KCTD8: variants seen among roughly 807,000 people sequenced by gnomAD.
KCTD8 encodes potassium channel tetramerization domain containing 8.
Under a neutral mutation model 31.5 loss-of-function variants are expected in KCTD8, and 27 were observed. The observed-to-expected ratio is 0.86, with a 90% CI of 0.63 to 1.18. KCTD8 has a LOEUF of 1.18. Among genes scored for constraint, KCTD8 ranks in the 50% most tolerant of loss-of-function variants. The probability of loss-of-function intolerance (pLI) is 0.00; values close to 1 mark genes in which losing one functional copy is unlikely to be tolerated. For synonymous variants in KCTD8, 290 were observed against 280.0 expected, an observed-to-expected ratio of 1.04 and a Z score of -0.36; for missense variants, 658 against 647.7, an observed-to-expected ratio of 1.02 and a Z score of -0.17.
intron 1 of KCTD8, among the ~76,000 whole-genome samples, chr4:44,246,808 T>C (rs186302034): frequency 7.2e-5 from 11 of 152,156 alleles, no homozygotes; most frequent in African/African-American, 2.6e-4. Context: ...CTAATCCTTT[T>C]CATCTTTCCC....
chr4:44,353,926 G>C lies in KCTD8; in HGVS notation c.961+93637C>G, dbSNP rs115349517. ...CTACTCCAGTCCCAGTTATGTTACTGGGGTTGGAAAATATGCTTTGGATTG... is the reference window on the plus strand; with the variant it reads ...CTACTCCAGTCCCAGTTATGTTACTCGGGTTGGAAAATATGCTTTGGATTG... On this transcript the variant is annotated intron_variant, in intron 1 of 1. Coordinates refer to ENST00000360029, the MANE Select transcript of KCTD8 (RefSeq NM_198353.3). Among the ~76,000 whole-genome samples, 983 of 152,136 alleles carry C rather than the reference G, an allele frequency of 6.5e-3. 15 individuals carry two copies. Among genetic ancestry groups the C allele is most frequent in the African/African-American group, 0.023 (948 of 41,516 alleles).
intron 1 of KCTD8, among the ~76,000 whole-genome samples, chr4:44,403,747 T>C (rs1293109359): frequency 1.3e-5 from 2 of 152,172 alleles, no homozygotes; most frequent in Non-Finnish European, 2.9e-5. Context: ...TTCTGAAGTA[T>C]GGGGATTAGG....
chr4:44,420,796 TTATAG>T (rs1721190903), intron 1 of KCTD8, among the ~76,000 whole-genome samples: 1 of 152,036 alleles, frequency 6.6e-6, no homozygotes. Flanking sequence ...GATAATAATA[TTATAG>T]AAGTGTAGAG....
intron 1 of KCTD8, among the ~76,000 whole-genome samples, chr4:44,303,756 T>C (rs532404222): frequency 3.3e-5 from 5 of 151,792 alleles, no homozygotes; most frequent in African/African-American, 9.7e-5. Flanking sequence ...GAGGTTGCAG[T>C]GAACTGAAAT....
chr4:44,198,481 AGAAGAAATTGGGG>A (rs1714015814), intron 1 of KCTD8, among the ~76,000 whole-genome samples: 1 of 152,194 alleles, frequency 6.6e-6, no homozygotes, highest in South Asian at 2.1e-4. Flanking sequence ...CTCACAAGTC[AGAAGAAATTGGGG>A]GCATATTTTC....
At position 44,448,199 on chromosome 4, in the gene KCTD8, C is replaced by A. The variant is rs964170538; in HGVS notation, c.325G>T (p.Val109Leu). 1.2e-6 allele frequency: 2 copies of A among 1,612,414 alleles called. No homozygotes were observed. Among genetic ancestry groups the A allele is most frequent in the South Asian group, 2.2e-5 (2 of 91,048 alleles). The change falls in exon 1 of 2, where the codon GTG becomes TTG. Residue 109 changes from valine (V) to leucine (L), a missense_variant. Val to Leu is a conservative substitution (Grantham distance 32, BLOSUM62 1). Coordinates refer to ENST00000360029, the MANE Select transcript of KCTD8 (RefSeq NM_198353.3). This position sits in a 1 kb window ranked among gnomAD's most constrained non-coding sequence, Gnocchi z 4.1. ...TGCTTGTCCCGCAGATAATCCAGCA[C>A]GTACCTGAAAAGGAAGCCGTCCCGG... ...IDRDGFLFRY[V>L]LDYLRDKQLA...
chr4:44,284,967 A>G (rs981099424), intron 1 of KCTD8, among the ~76,000 whole-genome samples: 1 of 152,182 alleles, frequency 6.6e-6, no homozygotes, highest in Non-Finnish European at 1.5e-5. Context: ...AAAAGTCAGG[A>G]AACAACAGAT....
At chr4:44,395,783 G>A (rs138159833) in intron 1 of KCTD8, among the ~76,000 whole-genome samples, 1 of 152,170 alleles carries the variant, frequency 6.6e-6, no homozygotes, top group East Asian at 1.9e-4. Flanking sequence ...CTGGCTGGGG[G>A]TGAGGTTCCA....
chr4:44,338,348 A>C (rs1461172549), intron 1 of KCTD8, among the ~76,000 whole-genome samples: 1 of 152,196 alleles, frequency 6.6e-6, no homozygotes, highest in Non-Finnish European at 1.5e-5. Flanking sequence ...AGATGTCAGA[A>C]CAGCATTGAA....
chr4:44,353,284 A>G (rs1719258979), intron 1 of KCTD8, among the ~76,000 whole-genome samples: 1 of 152,078 alleles, frequency 6.6e-6, no homozygotes, highest in Admixed American at 6.6e-5. Context: ...TGTGTGTATC[A>G]GTTCATTTAT....
At chr4:44,279,811 T>C (rs2109377941) in intron 1 of KCTD8, among the ~76,000 whole-genome samples, 1 of 152,204 alleles carries the variant, frequency 6.6e-6, no homozygotes, top group Middle Eastern at 3.4e-3. Flanking sequence ...ACAACATATA[T>C]ATACATGCTT....
At chr4:44,299,603 C>T (rs960288710) in intron 1 of KCTD8, among the ~76,000 whole-genome samples, 1 of 151,728 alleles carries the variant, frequency 6.6e-6, no homozygotes, top group African/African-American at 2.4e-5. Context: ...TGGCAAGTGC[C>T]TGTATTCTCA....
At chr4:44,231,242 C>A (rs1715110725) in intron 1 of KCTD8, among the ~76,000 whole-genome samples, 1 of 152,170 alleles carries the variant, frequency 6.6e-6, no homozygotes, top group Admixed American at 6.6e-5. Flanking sequence ...TCCCCCCAGG[C>A]CCTATCTCTG....
At chr4:44,444,787 G>A (rs898805203) in intron 1 of KCTD8, among the ~76,000 whole-genome samples, 4 of 148,012 alleles carry the variant, frequency 2.7e-5, no homozygotes, top group African/African-American at 7.7e-5. Flanking sequence ...GGTGTGGTGG[G>A]GGTGACGGGG....
At chr4:44,281,194 T>C (rs529132870) in intron 1 of KCTD8, among the ~76,000 whole-genome samples, 1 of 152,214 alleles carries the variant, frequency 6.6e-6, no homozygotes, top group South Asian at 2.1e-4. Flanking sequence ...TGCAAAACTC[T>C]GTCACTTGTA....
At chr4:44,273,566 G>A (rs555761241) in intron 1 of KCTD8, among the ~76,000 whole-genome samples, 8 of 152,014 alleles carry the variant, frequency 5.3e-5, no homozygotes, top group African/African-American at 1.9e-4. Flanking sequence ...GATGGGGAAA[G>A]GAGTCAATTT....
intron 1 of KCTD8, among the ~76,000 whole-genome samples, chr4:44,186,106 G>A (rs1300273368): frequency 6.6e-6 from 1 of 152,110 alleles, no homozygotes; most frequent in Non-Finnish European, 1.5e-5. Flanking sequence ...AAAACCCCAA[G>A]ACCCTAGCCG....
intron 1 of KCTD8, among the ~76,000 whole-genome samples, chr4:44,370,757 T>C (rs1241801692): frequency 6.6e-6 from 1 of 152,168 alleles, no homozygotes; most frequent in Non-Finnish European, 1.5e-5. Context: ...TAAGTCTAGC[T>C]AAAAGAAAAG....
At chr4:44,390,623 T>G (rs1720347889) in intron 1 of KCTD8, among the ~76,000 whole-genome samples, 1 of 151,972 alleles carries the variant, frequency 6.6e-6, no homozygotes, top group African/African-American at 2.4e-5. Context: ...ATGCAGGCTC[T>G]TTTTTTGGTT....
Sources: gnomAD v4.1 joint callset for allele counts (sites outside exome capture counted in the v4.1 genomes callset) on GRCh38, gnomAD v4.1.1 for gene constraint, Gnocchi (gnomAD v3.1) non-coding constraint, MANE v1.5 for transcripts, NCBI Gene and HGNC (gene_info 2026-07-23, HGNC 2026-07-21) for gene names.